IRX4: variants seen among roughly 807,000 people sequenced by gnomAD.
IRX4 encodes the protein iroquois homeobox 4.
IRX4 carries 22 observed loss-of-function variants against 32.0 expected under a neutral mutation model. The ratio of observed to expected loss-of-function variants is 0.69; its 90% CI spans 0.49 to 0.98. The LOEUF (loss-of-function observed/expected upper bound fraction) is 0.98, where lower values mean the gene tolerates loss of function less well. IRX4 is among the 50% of genes least tolerant of loss of function. The pLI is 0.00. For missense variants in IRX4, 840 were observed against 744.2 expected (o/e 1.13, Z -1.50); for synonymous variants, 379 against 351.7 (o/e 1.08, Z -0.87).
rs1444106763 is a variant in IRX4, at chr5:1,882,603, C to G, written c.45G>C (p.Gln15His). 3 of 1,472,964 alleles carry G rather than the reference C, an allele frequency of 2.0e-6. No homozygotes were observed. The African/African-American group carries it at 4.5e-5, about 22-fold the overall frequency. The allele number at this position is 1,472,964 out of a possible 1,614,324, so 91.2% of individuals were successfully genotyped here. ...CTGGGCGGGGCGGGGCTCCGCTTAC[C>G]TGGGGAGCCGAGGAGTAGGGGTATC... ...QFGYPYSSAP[Q>H]FLMATNSLST... Residue 15 changes from glutamine (Q) to histidine (H), a missense_variant and splice_region_variant, in exon 1 of 5, where the codon CAG becomes CAC. This residue lies in a region of IRX4 where 241 missense variants were observed against 220.8 expected (regional missense o/e 1.09). Transcript: ENST00000231357.
At position 1,879,539 on chromosome 5, in the gene IRX4, G is replaced by A. The variant is rs773942237; in HGVS notation, c.701C>T (p.Ala234Val). 5 of 1,613,432 alleles carry A rather than the reference G, an allele frequency of 3.1e-6. No homozygotes were observed. Among genetic ancestry groups the A allele is most frequent in the South Asian group, 2.2e-5 (2 of 91,084 alleles). Residue 234 changes from alanine to valine, a missense_variant, in exon 4 of 5, where the codon GCG (alanine) becomes GTG (valine). By Grantham distance (64) the Ala-to-Val change is moderately conservative (BLOSUM62 0). This residue lies in a region of IRX4 where 585 missense variants were observed against 488.0 expected (regional missense o/e 1.20). Transcript: ENST00000231357. ...GEEEEGGEEEAREEPLKSSKN... is the reference protein window; with the variant it reads ...GEEEEGGEEEVREEPLKSSKN... ...GGAGCTCTTGAGGGGCTCCTCCCGC[G>A]CCTCCTCCTCGCCCCCCTCCTCCTC...
intron 2 of IRX4, 116 bp from the exon 3 acceptor site, chr5:1,880,950 G>C (rs532458997): frequency 5.0e-6 from 4 of 803,218 alleles, no homozygotes; most frequent in Non-Finnish European, 8.7e-6. Flanking sequence ...GCAGCCCTAC[G>C]CCCCGGCAGG....
At chr5:1,880,883 A>C (rs754154577) in intron 2 of IRX4, 49 bp from the exon 3 acceptor site, 5 of 1,393,288 alleles carry the variant, frequency 3.6e-6, no homozygotes, top group East Asian at 2.3e-5. Context: ...AGGCAACCCC[A>C]CTCCAGCCTC....
chr5:1,882,092 G>A, intron 1 of IRX4, 33 bp from the exon 2 acceptor site: 1 of 1,538,676 alleles, frequency 6.5e-7, no homozygotes. Flanking sequence ...CTGGCGGGAA[G>A]CCGGGCTGGA....
In IRX4 at chr5:1,882,637, G is replaced by T; in HGVS notation, c.11C>A (p.Pro4Gln). The change falls in exon 1 of 5, where the codon CCG becomes CAG. Residue 4 changes from proline (P) to glutamine (Q), a missense_variant. By Grantham distance (76) the Pro-to-Gln change is moderately conservative (BLOSUM62 -1). Transcript: ENST00000231357. The part of the protein sequence containing the change: MSY[P>Q]QFGYPYSSAP... ...CGAGGAGTAGGGGTATCCAAACTGC[G>T]GGTAGGACATGGCGGGCGCGGCCCG... The T allele has an allele frequency of 7.1e-7, 1 of 1,416,654 alleles. No individual in the cohort carries two copies. The highest frequency in any genetic ancestry group is 9.2e-7 in the Non-Finnish European group (1 of 1,087,050). 87.8% of individuals were successfully genotyped at this position (1,416,654 alleles called of 1,614,324 possible). A position where few individuals can be genotyped will look rare whatever the true frequency, so the allele number is the denominator to read the frequency against.
Position 1,880,763 on chromosome 5 carries a change from G to A in IRX4, c.369C>T (p.Tyr123=), listed in dbSNP as rs1735398386. 5 of 1,613,792 alleles carry A rather than the reference G, an allele frequency of 3.1e-6. No homozygotes were observed. Among genetic ancestry groups the A allele is most frequent in the East Asian group, 4.5e-5 (2 of 44,850 alleles). Residue 123 remains tyrosine, a synonymous_variant, in exon 3 of 5, where the codon TAC becomes TAT. Coordinates refer to ENST00000231357, the MANE Select transcript of IRX4 (RefSeq NM_016358.3). ...GGLAPAAAAY[Y]PYEPALGQYP... ...ACTGGCCCAGAGCTGGCTCGTAAGG[G>A]TAGTAGGCGGCAGCGGCTGGTGCCA...
Position 1,878,286 on chromosome 5 carries a change from A to AC in IRX4, c.1242dup (p.Ser415ValfsTer135). 6.3e-7 allele frequency: 1 copy of AC among 1,596,314 alleles called. No individual in the cohort carries two copies. Among genetic ancestry groups the AC allele is most frequent in the Non-Finnish European group, 8.5e-7 (1 of 1,172,398 alleles). On this transcript the variant is annotated frameshift_variant, in exon 5 of 5. Transcript: ENST00000231357. LOFTEE classifies it high-confidence loss of function. The stretch of plus-strand genomic sequence containing the variant: ...GCGCCAGAGTGGGGAAGGGCCACAG[A>AC]CGGGGACGTGGCGGGCGCGGAGGAC...
In IRX4 at chr5:1,882,639, G is replaced by A. The variant is rs1320586158; in HGVS notation, c.9C>T (p.Tyr3=). The stretch of plus-strand genomic sequence containing the variant: ...AGGAGTAGGGGTATCCAAACTGCGG[G>A]TAGGACATGGCGGGCGCGGCCCGGG... MS[Y]PQFGYPYSSA... Residue 3 remains tyrosine (Y), a synonymous_variant, in exon 1 of 5, where the codon TAC becomes TAT. Transcript: ENST00000231357. 5.7e-6 allele frequency: 8 copies of A among 1,414,950 alleles called. 1 individual carries two copies. In the South Asian group the frequency reaches 1.1e-4, roughly 19 times the overall value. 87.6% of individuals were successfully genotyped at this position (1,414,950 alleles called of 1,614,324 possible).
rs1735294160 is a variant in IRX4, at chr5:1,878,489, C to G, written c.1040G>C (p.Cys347Ser). 6.9e-7 allele frequency: 1 copy of G among 1,443,266 alleles called. No homozygotes were observed. 89.4% of individuals were successfully genotyped at this position (1,443,266 alleles called of 1,614,324 possible). Residue 347 changes from cysteine to serine, a missense_variant, in exon 5 of 5, where the codon TGC (cysteine) becomes TCC (serine). Cys to Ser is a moderately radical substitution (Grantham distance 112, BLOSUM62 -1). This residue lies in a region of IRX4 where 585 missense variants were observed against 488.0 expected (regional missense o/e 1.20). Coordinates refer to ENST00000231357, the MANE Select transcript of IRX4 (RefSeq NM_016358.3). ...LPGAEGGPQV[C>S]EAKLGFVPAG... The stretch of plus-strand genomic sequence containing the variant: ...CGGCACAAACCCCAGCTTGGCCTCG[C>G]AGACCTGAGGGCCGCCCTCTGCGCC...
chr5:1,880,609 T>A, intron 3 of IRX4, 116 bp downstream of exon 3: 1 of 720,364 alleles, frequency 1.4e-6, no homozygotes, highest in Non-Finnish European at 2.5e-6. Context: ...CCTAAGAGTG[T>A]CTCTCTTCCT....
upstream of IRX4, among the ~76,000 whole-genome samples, chr5:1,886,524 G>A (rs976368277): frequency 6.6e-6 from 1 of 152,202 alleles, no homozygotes; most frequent in Non-Finnish European, 1.5e-5. Context: ...CCAGTGGTAG[G>A]AGAAGGAGCC....
At position 1,878,679 on chromosome 5, in the gene IRX4, C is replaced by T; in HGVS notation, c.850G>A (p.Gly284Ser). ...GCGGCGGGGACGCGCTCCAGACCGCCGTCCAGGGAGTGGAAGGGCGGCTTC... is the reference window on the plus strand; with the variant it reads ...GCGGCGGGGACGCGCTCCAGACCGCTGTCCAGGGAGTGGAAGGGCGGCTTC... The part of the protein sequence containing the change: ...ELKPPFHSLD[G>S]GLERVPAAPD... The change falls in exon 5 of 5, where the codon GGC (glycine) becomes AGC (serine). Residue 284 changes from glycine to serine, a missense_variant. Around this residue, in one of 3 missense-constraint regions of IRX4, gnomAD observed 585 missense variants for 488.0 expected, o/e 1.20. Coordinates refer to ENST00000231357, the MANE Select transcript of IRX4 (RefSeq NM_016358.3). 6.3e-7 allele frequency: 1 copy of T among 1,599,898 alleles called. No homozygotes were observed. The highest frequency in any genetic ancestry group is 8.5e-7 in the Non-Finnish European group (1 of 1,173,980).
Position 1,882,677 on chromosome 5 carries a change from G to A in IRX4, c.-30C>T. Reference sequence around the variant, plus strand: ...GGCGCGGCCCGGGGCGGACGGGCGGGGCCTGCAGGGTTCTGCGCGCTGGGG... The same window carrying A: ...GGCGCGGCCCGGGGCGGACGGGCGGAGCCTGCAGGGTTCTGCGCGCTGGGG... On this transcript the variant is annotated 5_prime_UTR_variant, in exon 1 of 5. Coordinates refer to ENST00000231357, the MANE Select transcript of IRX4 (RefSeq NM_016358.3). 7.4e-7 allele frequency: 1 copy of A among 1,350,998 alleles called. No homozygotes were observed. The highest frequency in any genetic ancestry group is 9.6e-7 in the Non-Finnish European group (1 of 1,042,668). 83.7% of individuals were successfully genotyped at this position (1,350,998 alleles called of 1,614,324 possible).
intron 2 of IRX4, among the ~76,000 whole-genome samples, chr5:1,881,324 G>T (rs1381151877): frequency 7.5e-6 from 1 of 132,810 alleles, no homozygotes; most frequent in African/African-American, 2.9e-5. Context: ...CAAGGCGGGG[G>T]GAGGAGCAAG....
In IRX4 at chr5:1,881,663, G is replaced by A. The variant is rs1735443984; in HGVS notation, c.297+145C>T. ...GTGGGGTTCTGAGGGTCTCGGCTGG[G>A]AGGCGCAAAGTTGAAGGCAGCCAAG... On this transcript the variant is annotated intron_variant, in intron 2 of 4. Coordinates refer to ENST00000231357, the MANE Select transcript of IRX4 (RefSeq NM_016358.3). 9 of 1,008,278 alleles carry A rather than the reference G, an allele frequency of 8.9e-6. No individual in the cohort carries two copies. The Admixed American group carries it at 1.2e-4, about 14-fold the overall frequency. 62.5% of individuals were successfully genotyped at this position (1,008,278 alleles called of 1,614,324 possible). A position where few individuals can be genotyped will look rare whatever the true frequency, so the allele number is the denominator to read the frequency against.
intron 2 of IRX4, 68 bp downstream of exon 2, chr5:1,881,740 T>C: frequency 6.5e-7 from 1 of 1,542,342 alleles, no homozygotes; most frequent in Non-Finnish European, 8.8e-7. Flanking sequence ...GCGCGCCTAC[T>C]GGGGCAAAAG....
chr5:1,879,450 G>T, intron 4 of IRX4, 54 bp downstream of exon 4: 2 of 1,611,752 alleles, frequency 1.2e-6, no homozygotes, highest in Non-Finnish European at 8.5e-7. Context: ...CGCAGAGAAG[G>T]CACTGTGCCT....
chr5:1,881,862 C>A lies in IRX4; in HGVS notation c.243G>T (p.Gln81His). Residue 81 changes from glutamine to histidine, a missense_variant, in exon 2 of 5, where the codon CAG (glutamine) becomes CAT (histidine). By Grantham distance (24) the Gln-to-His change is conservative. This residue lies in a region of IRX4 where 241 missense variants were observed against 220.8 expected (regional missense o/e 1.09). Coordinates refer to ENST00000231357, the MANE Select transcript of IRX4 (RefSeq NM_016358.3). ...GVYGGPYGGS[Q>H]GYGNYVTYGS... ...CGTAGGTCACGTAGTTGCCATAGCC[C>A]TGCGATCCGCCATAGGGACCCCCAT... 1.3e-6 allele frequency: 2 copies of A among 1,581,434 alleles called. No homozygotes were observed. Among genetic ancestry groups the A allele is most frequent in the Non-Finnish European group, 1.7e-6 (2 of 1,164,050 alleles).
At position 1,877,684 on chromosome 5, in the gene IRX4, A is replaced by C; in HGVS notation, c.*285T>G. The C allele has an allele frequency of 2.3e-6, 1 of 438,274 alleles. No homozygotes were observed. The highest frequency in any genetic ancestry group is 4.1e-5 in the South Asian group (1 of 24,108). The allele number at this position is 438,274 out of a possible 1,614,324, so 27.1% of individuals were successfully genotyped here. On this transcript the variant is annotated 3_prime_UTR_variant, in exon 5 of 5. Coordinates refer to ENST00000231357, the MANE Select transcript of IRX4 (RefSeq NM_016358.3). ...CTTCTCCATGTAAACTTTTGACGTA[A>C]ACTTTATGCTTCAGGGTATCTGGCC...
Sources: gnomAD v4.1 joint callset for allele counts (sites outside exome capture counted in the v4.1 genomes callset) on GRCh38, gnomAD v4.1.1 for gene constraint, gnomAD v4.1.1 regional missense constraint, MANE v1.5 for transcripts, NCBI Gene and HGNC (gene_info 2026-07-23, HGNC 2026-07-21) for gene names.